The following NAV2 variants were observed in gnomAD, a reference collection of about 807,000 sequenced individuals.
NAV2 encodes helicase, APC down-regulated 1.
Under a neutral mutation model 223.2 loss-of-function variants are expected in NAV2, and 54 were observed. The observed-to-expected ratio is 0.24, with a 90% confidence interval of 0.19 to 0.30. NAV2 has a LOEUF of 0.30. Ranked by LOEUF, NAV2 falls within the 10% of genes least tolerant of loss-of-function variation. The pLI is 1.00. For missense variants in NAV2, 2,806 were observed against 3,147.5 expected (o/e 0.89, Z 2.60); for synonymous variants, 1,279 against 1,239.3 (o/e 1.03, Z -0.67).
chr11:19,428,107 A>G (rs1850904852), intron 1 of NAV2, among the ~76,000 whole-genome samples: 1 of 152,176 alleles, frequency 6.6e-6, no homozygotes, highest in Non-Finnish European at 1.5e-5. Flanking sequence ...TTCTGCTATT[A>G]TAATGGGTTT....
intron 11 of NAV2, among the ~76,000 whole-genome samples, chr11:20,021,489 ATCCCAT>A (rs1408081814): frequency 1.3e-5 from 2 of 152,194 alleles, no homozygotes; most frequent in Admixed American, 1.3e-4. Context: ...CACAATCACC[ATCCCAT>A]TCCCAAGTTA....
intron 1 of NAV2, among the ~76,000 whole-genome samples, chr11:19,354,431 G>A (rs1032367216): frequency 4.6e-5 from 7 of 152,372 alleles, no homozygotes; most frequent in African/African-American, 1.4e-4. Flanking sequence ...AGGGGCCACT[G>A]TGGTAGACAG....
intron 6 of NAV2, among the ~76,000 whole-genome samples, chr11:19,900,798 T>G (rs569100491): frequency 6.6e-6 from 1 of 152,206 alleles, no homozygotes; most frequent in Non-Finnish European, 1.5e-5. Flanking sequence ...AGTAATATAG[T>G]GGGCATTCTA....
intron 1 of NAV2, among the ~76,000 whole-genome samples, chr11:19,630,008 G>A (rs572502838): frequency 9.2e-5 from 14 of 152,166 alleles, no homozygotes; most frequent in South Asian, 4.2e-4. Context: ...CCCTGGGGCC[G>A]CTACATGTTT....
rs905719839 is a variant in NAV2 at position 19,931,505 on chromosome 11, C to T, written c.932-1671C>T. ...GCCCCACACAGGGGCTGCCTTCACT[C>T]GGCTTCAGCAGCCGTTGACTTTTAA... On this transcript the variant is annotated intron_variant, in intron 6 of 37. Transcript: ENST00000349880. Among the ~76,000 whole-genome samples, 8 of 151,408 alleles carry T rather than the reference C, an allele frequency of 5.3e-5. 1 individual carries two copies. Among genetic ancestry groups the T allele is most frequent in the South Asian group, 4.2e-4 (2 of 4,780 alleles).
chr11:19,896,416 CA>C (rs1245746379), intron 6 of NAV2, among the ~76,000 whole-genome samples: 1 of 152,104 alleles, frequency 6.6e-6, no homozygotes, highest in Non-Finnish European at 1.5e-5. Flanking sequence ...AATGAAATCA[CA>C]CAGCATTTGT....
chr11:19,963,699 T>G (rs952420357), intron 10 of NAV2, among the ~76,000 whole-genome samples: 1 of 152,220 alleles, frequency 6.6e-6, no homozygotes, highest in African/African-American at 2.4e-5. Context: ...TAATTTCAAT[T>G]AAATGTCACA....
intron 6 of NAV2, among the ~76,000 whole-genome samples, chr11:19,907,524 TAGG>T (rs371505964): frequency 9.3e-4 from 141 of 151,456 alleles, no homozygotes; most frequent in South Asian, 3.1e-3. Context: ...CTGCCACTCA[TAGG>T]GGGAGGGGGA....
intron 1 of NAV2, among the ~76,000 whole-genome samples, chr11:19,571,551 T>C (rs2045424697): frequency 6.6e-6 from 1 of 151,870 alleles, no homozygotes; most frequent in East Asian, 1.9e-4. Context: ...ACTAAAAATA[T>C]AAGAATTAGC....
At chr11:19,747,585 AG>A (rs575566433) in intron 1 of NAV2, among the ~76,000 whole-genome samples, 245 of 152,318 alleles carry the variant, frequency 1.6e-3, no homozygotes, top group Non-Finnish European at 2.6e-3. Flanking sequence ...GAAGGGATCT[AG>A]GACTAGGGCT....
intron 1 of NAV2, among the ~76,000 whole-genome samples, chr11:19,533,746 G>C (rs1354982164): frequency 1.7e-4 from 19 of 114,416 alleles, no homozygotes; most frequent in Non-Finnish European, 2.8e-4. Context: ...TCGCTCTGTC[G>C]CCCAGGCTGG....
At chr11:19,470,291 T>C (rs1406781571) in intron 1 of NAV2, among the ~76,000 whole-genome samples, 2 of 152,172 alleles carry the variant, frequency 1.3e-5, no homozygotes, top group African/African-American at 4.8e-5. Flanking sequence ...GGTGGAACAC[T>C]GGAAAGGGTG....
At chr11:19,680,454 A>G (rs746467009) in intron 1 of NAV2, among the ~76,000 whole-genome samples, 1 of 152,030 alleles carries the variant, frequency 6.6e-6, no homozygotes, top group Non-Finnish European at 1.5e-5. Flanking sequence ...TTAAATATCA[A>G]CCACCCAGCC....
intron 1 of NAV2, among the ~76,000 whole-genome samples, chr11:19,797,080 G>GGTCTCCAGTAA (rs2057954417): frequency 6.6e-6 from 1 of 152,168 alleles, no homozygotes; most frequent in Non-Finnish European, 1.5e-5. Flanking sequence ...ACACGGGTTT[G>GGTCTCCAGTAA]AGAGCCAGAG....
intron 31 of NAV2, among the ~76,000 whole-genome samples, chr11:20,099,688 A>G (rs1470254): frequency 0.69 from 104,604 of 152,062 alleles, 37,254 homozygotes; most frequent in Middle Eastern, 0.85. Context: ...GATTCACTTC[A>G]GTGGTACCAG....
rs753612098 is a variant in NAV2, at chr11:20,105,628, C to A, written c.6742C>A (p.Arg2248Ser). The A allele has an allele frequency of 2.5e-6, 4 of 1,613,898 alleles. No individual in the cohort carries two copies. The highest frequency in any genetic ancestry group is 3.4e-6 in the Non-Finnish European group (4 of 1,179,894). ...GGAAACAGAGATCAGTGGGCGGGTG[C>A]GCAATATGGAGCTGGTAAAAATCAT... ...LMETEISGRV[R>S]NMELVKIIDW... Residue 2248 changes from arginine (R) to serine (S), a missense_variant, in exon 35 of 38, where the codon CGC (arginine) becomes AGC (serine). Arg to Ser is a moderately radical substitution (Grantham distance 110, BLOSUM62 -1). Around this residue, in one of 4 missense-constraint regions of NAV2, gnomAD observed 824 missense variants for 1,069.4 expected, o/e 0.77. Coordinates refer to ENST00000349880, the MANE Select transcript of NAV2 (RefSeq NM_145117.5).
chr11:19,384,663 C>T (rs1359113004), intron 1 of NAV2: 3 of 152,238 alleles, frequency 2.0e-5, no homozygotes, highest in African/African-American at 7.2e-5. Context: ...GACCATGTAT[C>T]CTGTACACTC....
intron 1 of NAV2, among the ~76,000 whole-genome samples, chr11:19,815,086 T>C (rs772233600): frequency 6.6e-6 from 1 of 152,164 alleles, no homozygotes; most frequent in African/African-American, 2.4e-5. Context: ...GTGTGGCCCT[T>C]TATGTACAAA....
At position 19,852,404 on chromosome 11, in the gene NAV2, C is replaced by T. The variant is rs965695207; in HGVS notation, c.438+9481C>T. ...TTGCTGCATCAGTACATTCAGAGCA[C>T]GTCACTGTAGGGAAGCATGTGGAGG... On this transcript the variant is annotated intron_variant, in intron 3 of 37. Coordinates refer to ENST00000349880, the MANE Select transcript of NAV2 (RefSeq NM_145117.5). Among the ~76,000 whole-genome samples the T allele has an allele frequency of 7.9e-5, 12 of 152,186 alleles. No individual in the cohort carries two copies. The South Asian group carries it at 1.0e-3, about 13-fold the overall frequency.
Sources: allele counts gnomAD v4.1 joint callset (sites outside exome capture counted in the v4.1 genomes callset), GRCh38; gene constraint gnomAD v4.1.1; regional missense constraint gnomAD v4.1.1; transcripts MANE v1.5; gene names NCBI Gene and HGNC (gene_info 2026-07-23, HGNC 2026-07-21).